The following GIPC2 variants were observed in gnomAD, a reference collection of about 807,000 sequenced individuals.
The protein encoded by GIPC2 is GIPC PDZ domain containing family member 2.
Under a neutral mutation model 30.6 loss-of-function variants are expected in GIPC2, and 30 were observed. The observed-to-expected ratio is 0.98, with a 90% CI of 0.73 to 1.33. GIPC2 has a LOEUF of 1.33. GIPC2 is among the 40% of genes most tolerant of loss of function. GIPC2 has a pLI of 0.00. For synonymous variants in GIPC2, 167 were observed against 150.0 expected, an observed-to-expected ratio of 1.11 and a Z score of -0.83; for missense variants, 414 against 390.3, an observed-to-expected ratio of 1.06 and a Z score of -0.51.
In GIPC2 at chr1:78,113,865, T is replaced by A. The variant is rs567656416; in HGVS notation, c.608-5528T>A. The stretch of plus-strand genomic sequence containing the variant: ...CTAGAGTCATCTTGCCCATACCTAT[T>A]TTTTTTTTTTTTTGCAACTCATTCT... On this transcript the variant is annotated intron_variant, in intron 3 of 5. Coordinates refer to ENST00000370759, the MANE Select transcript of GIPC2 (RefSeq NM_017655.6). 1.5e-4 allele frequency among the ~76,000 whole-genome samples: 22 copies of A among 146,356 alleles called. 1 individual carries two copies. The highest frequency in any genetic ancestry group is 6.9e-3 in the Middle Eastern group (2 of 288).
chr1:78,088,491 C>T (rs374230330), intron 2 of GIPC2, among the ~76,000 whole-genome samples: 2 of 152,102 alleles, frequency 1.3e-5, no homozygotes, highest in South Asian at 2.1e-4. Flanking sequence ...CAAACTAATG[C>T]AGGAAGGAAG....
At chr1:78,059,245 G>A (rs1267193789) in intron 1 of GIPC2, among the ~76,000 whole-genome samples, 1 of 152,188 alleles carries the variant, frequency 6.6e-6, no homozygotes, top group Non-Finnish European at 1.5e-5. Context: ...TTGTGTGTTT[G>A]GGAGCCACTG....
In GIPC2 at chr1:78,094,999, TG is replaced by T; in HGVS notation, c.478del (p.Asp160IlefsTer6). 1 of 1,606,526 alleles carries T rather than the reference TG, an allele frequency of 6.2e-7. No individual in the cohort carries two copies. Reference sequence around the variant, plus strand: ...TTGACTCAGTTAAAACAATCTGTGTTGGGGATCATATTGAATCCATAAATGG... The same window carrying T: ...TTGACTCAGTTAAAACAATCTGTGTTGGGATCATATTGAATCCATAAATGG... The part of the protein sequence containing the change: ...VIDSVKTICV[G>X]DHIESINGEN... On this transcript the variant is annotated frameshift_variant, in exon 3 of 6. Coordinates refer to ENST00000370759, the MANE Select transcript of GIPC2 (RefSeq NM_017655.6). LOFTEE classifies it high-confidence loss of function.
chr1:78,126,752 A>G (rs972641743), intron 5 of GIPC2, among the ~76,000 whole-genome samples: 9 of 152,084 alleles, frequency 5.9e-5, no homozygotes, highest in African/African-American at 1.7e-4. Flanking sequence ...AATGACTGCT[A>G]TTGCTCCACC....
chr1:78,062,136 G>A (rs1661405548), intron 1 of GIPC2, among the ~76,000 whole-genome samples: 1 of 152,208 alleles, frequency 6.6e-6, no homozygotes. Flanking sequence ...AGCCTTAAAG[G>A]GATACACAGT....
intron 2 of GIPC2, among the ~76,000 whole-genome samples, chr1:78,081,371 T>G (rs1367189357): frequency 1.3e-5 from 2 of 152,200 alleles, no homozygotes; most frequent in Non-Finnish European, 2.9e-5. Context: ...ACTGAACATG[T>G]ATGGCCTTTT....
At chr1:78,098,664 T>C (rs1662185413) in intron 3 of GIPC2, among the ~76,000 whole-genome samples, 1 of 151,616 alleles carries the variant, frequency 6.6e-6, no homozygotes, top group Admixed American at 6.6e-5. Flanking sequence ...GTTGAAGTCC[T>C]AATCTTCACT....
chr1:78,048,076 A>ACTT (rs1360602407), intron 1 of GIPC2, among the ~76,000 whole-genome samples: 1 of 152,168 alleles, frequency 6.6e-6, no homozygotes, highest in African/African-American at 2.4e-5. Context: ...AACTTCCTGG[A>ACTT]CTTAAGATTT....
intron 3 of GIPC2, among the ~76,000 whole-genome samples, chr1:78,119,134 A>T (rs148200584): frequency 6.6e-6 from 1 of 151,888 alleles, no homozygotes; most frequent in Non-Finnish European, 1.5e-5. Flanking sequence ...CTTCCTTGTA[A>T]CTTTGTCTTT....
At chr1:78,072,656 T>A (rs963386617) in intron 1 of GIPC2, among the ~76,000 whole-genome samples, 1 of 152,164 alleles carries the variant, frequency 6.6e-6, no homozygotes, top group Non-Finnish European at 1.5e-5. Flanking sequence ...AATTATTATT[T>A]TTTCTCTTTG....
At chr1:78,117,753 C>T (rs1171952752) in intron 3 of GIPC2, among the ~76,000 whole-genome samples, 1 of 152,110 alleles carries the variant, frequency 6.6e-6, no homozygotes, top group East Asian at 1.9e-4. Context: ...GTCAAGGAAG[C>T]GCACGGTATT....
chr1:78,117,934 C>T (rs1170981871), intron 3 of GIPC2, among the ~76,000 whole-genome samples: 1 of 151,952 alleles, frequency 6.6e-6, no homozygotes, highest in East Asian at 1.9e-4. Flanking sequence ...CCTTCTTTCT[C>T]TCTCTCTCTT....
chr1:78,072,157 T>A (rs1661633390), intron 1 of GIPC2, among the ~76,000 whole-genome samples: 1 of 152,238 alleles, frequency 6.6e-6, no homozygotes. Context: ...CACATAAAAT[T>A]GTTGTTGATA....
Position 78,137,815 on chromosome 1 carries a change from T to C in GIPC2, c.*2072T>C, listed in dbSNP as rs1325810580. 1 of 152,214 alleles carries C rather than the reference T, an allele frequency of 6.6e-6. No homozygotes were observed. Among genetic ancestry groups the C allele is most frequent in the African/African-American group, 2.4e-5 (1 of 41,442 alleles). The allele number at this position is 152,214 out of a possible 1,614,324, so 9.4% of individuals were successfully genotyped here. ...CCATACCTAAAATTGCATCTATTTG[T>C]GAGCTTTCTGCCTTTTTGTAACGCT... is the stretch of plus-strand genomic sequence containing the variant. On this transcript the variant is annotated 3_prime_UTR_variant, in exon 6 of 6. Transcript: ENST00000370759.
chr1:78,098,000 T>C (rs1662170118), intron 3 of GIPC2, among the ~76,000 whole-genome samples: 1 of 152,174 alleles, frequency 6.6e-6, no homozygotes, highest in Non-Finnish European at 1.5e-5. Flanking sequence ...ATAAATTTCC[T>C]TATAGGTAGG....
intron 1 of GIPC2, 135 bp from the exon 2 acceptor site, chr1:78,080,540 T>G (rs547882509): frequency 2.2e-5 from 12 of 555,396 alleles, no homozygotes; most frequent in Non-Finnish European, 3.5e-5. Flanking sequence ...CTAGCCAACA[T>G]AAAAACACAT....
At chr1:78,120,827 A>G (rs981486463) in intron 4 of GIPC2, among the ~76,000 whole-genome samples, 3 of 152,150 alleles carry the variant, frequency 2.0e-5, no homozygotes, top group African/African-American at 7.2e-5. Flanking sequence ...CTCCCACAAC[A>G]TGTGGGGATT....
intron 4 of GIPC2, among the ~76,000 whole-genome samples, chr1:78,125,531 A>G (rs1157577560): frequency 1.3e-5 from 2 of 152,166 alleles, no homozygotes; most frequent in Admixed American, 1.3e-4. Context: ...TGTTAGAGAT[A>G]TAAATTTGCT....
chr1:78,118,358 A>AAAGTGG (rs1173000310), intron 3 of GIPC2, among the ~76,000 whole-genome samples: 1 of 148,942 alleles, frequency 6.7e-6, no homozygotes, highest in Non-Finnish European at 1.5e-5. Flanking sequence ...AAAAAAAAAA[A>AAAGTGG]AAAGTGGATG....
Sources: allele counts gnomAD v4.1 joint callset (sites outside exome capture counted in the v4.1 genomes callset), GRCh38; gene constraint gnomAD v4.1.1; transcripts MANE v1.5; gene names NCBI Gene and HGNC (gene_info 2026-07-23, HGNC 2026-07-21).